TSHZ2: variants seen among roughly 807,000 people sequenced by gnomAD.
TSHZ2 encodes the protein teashirt homolog 2.
TSHZ2 carries 21 observed loss-of-function variants against 74.4 expected under a neutral mutation model. That is an observed-to-expected ratio of 0.28 (90% CI 0.20 to 0.41). TSHZ2 has a LOEUF of 0.41. Ranked by LOEUF, TSHZ2 falls within the 10% of genes least tolerant of loss-of-function variation. The pLI is 1.00. For missense variants in TSHZ2, 1,244 were observed against 1,293.5 expected (o/e 0.96, Z 0.59); for synonymous variants, 540 against 515.3 (o/e 1.05, Z -0.65).
At chr20:53,371,080 C>G (rs922395356) in intron 2 of TSHZ2, among the ~76,000 whole-genome samples, 28 of 152,136 alleles carry the variant, frequency 1.8e-4, no homozygotes, top group African/African-American at 6.8e-4. Context: ...CATGGGTCTC[C>G]GTCCTCTCTT....
chr20:53,485,375 C>T (rs1317552853), intron 2 of TSHZ2, among the ~76,000 whole-genome samples: 4 of 152,102 alleles, frequency 2.6e-5, no homozygotes, highest in African/African-American at 9.7e-5. Flanking sequence ...CAGACAGGTG[C>T]CTCATATAGT....
chr20:53,453,183 A>G (rs968759170), intron 2 of TSHZ2: 1 of 152,260 alleles, frequency 6.6e-6, no homozygotes, highest in African/African-American at 2.4e-5. Flanking sequence ...GCCTTTGGTT[A>G]GGCATAGCAA....
intron 1 of TSHZ2, among the ~76,000 whole-genome samples, chr20:53,193,037 A>G (rs1347039340): frequency 6.6e-6 from 1 of 152,172 alleles, no homozygotes; most frequent in East Asian, 1.9e-4. Context: ...GAACGCTCTT[A>G]TCCACTCTAC....
chr20:53,254,909 A>G lies in TSHZ2; in HGVS notation c.1451A>G (p.Tyr484Cys), dbSNP rs368899655. ...GAGAAAGTCGTGAAAAGCGAGGACT[A>G]TGAAGATCCTCTACAAAAACCTTTA... Reference protein sequence around the residue: ...KDEKVVKSEDYEDPLQKPLDP... With the variant: ...KDEKVVKSEDCEDPLQKPLDP... Residue 484 changes from tyrosine to cysteine, a missense_variant, in exon 2 of 3, where the codon TAT becomes TGT. By Grantham distance (194) the Tyr-to-Cys change is radical. This residue lies in a region of TSHZ2 where 562 missense variants were observed against 544.0 expected (regional missense o/e 1.03). Coordinates refer to ENST00000371497, the MANE Select transcript of TSHZ2 (RefSeq NM_173485.6). The G allele has an allele frequency of 1.5e-5, 25 of 1,613,890 alleles. No homozygotes were observed. The East Asian group carries it at 2.9e-4, about 19-fold the overall frequency.
chr20:53,342,203 G>A (rs899630064), intron 2 of TSHZ2, among the ~76,000 whole-genome samples: 8 of 151,072 alleles, frequency 5.3e-5, no homozygotes, highest in African/African-American at 7.3e-5. Flanking sequence ...GTTTCCCTGC[G>A]TCATTTTCCT....
rs193167153 is a variant in TSHZ2, at chr20:53,137,959, A to T, written c.41-115540A>T. ...AAGTGTATTTTTAAGTGAGCTACTT[A>T]AAAAAGAAATCCCCAAGTCAGTAGC... On this transcript the variant is annotated intron_variant, in intron 1 of 2. Coordinates refer to ENST00000371497, the MANE Select transcript of TSHZ2 (RefSeq NM_173485.6). Among the ~76,000 whole-genome samples the T allele has an allele frequency of 4.6e-3, 700 of 152,344 alleles. 2 individuals are homozygous for T. The highest frequency in any genetic ancestry group is 8.1e-3 in the Non-Finnish European group (548 of 68,032).
chr20:53,139,630 G>C (rs1398411122), intron 1 of TSHZ2, among the ~76,000 whole-genome samples: 3 of 152,192 alleles, frequency 2.0e-5, no homozygotes, highest in African/African-American at 7.2e-5. Context: ...AATCTTTCGT[G>C]TCAGATAGAG....
At chr20:53,345,675 G>A (rs753067083) in intron 2 of TSHZ2, among the ~76,000 whole-genome samples, 5 of 104,472 alleles carry the variant, frequency 4.8e-5, no homozygotes, top group South Asian at 2.8e-4. Flanking sequence ...CCGCCTGCCC[G>A]CCCCCCCATT....
chr20:53,138,103 C>G (rs754306961), intron 1 of TSHZ2, among the ~76,000 whole-genome samples: 3 of 152,118 alleles, frequency 2.0e-5, no homozygotes, highest in Non-Finnish European at 4.4e-5. Context: ...ATATCAGTGG[C>G]CGGGCGCAGT....
intron 1 of TSHZ2, among the ~76,000 whole-genome samples, chr20:53,040,864 C>T (rs1188031185): frequency 1.3e-5 from 2 of 152,212 alleles, no homozygotes; most frequent in Admixed American, 1.3e-4. Flanking sequence ...TTTGACACCC[C>T]ACAGCCTGGC....
Position 53,489,045 on chromosome 20 carries a change from G to A in TSHZ2, c.*1910G>A, listed in dbSNP as rs946421200. On this transcript the variant is annotated 3_prime_UTR_variant, in exon 3 of 3. Coordinates refer to ENST00000371497, the MANE Select transcript of TSHZ2 (RefSeq NM_173485.6). The stretch of plus-strand genomic sequence containing the variant: ...CAGAAAATATACCCCTCACATCATC[G>A]GATTGAGATGGCAGTCGAAATAGCT... 3 of 455,934 alleles carry A rather than the reference G, an allele frequency of 6.6e-6. No individual in the cohort carries two copies. The highest frequency in any genetic ancestry group is 2.0e-5 in the African/African-American group (1 of 49,988). The allele number at this position is 455,934 out of a possible 1,614,324, so 28.2% of individuals were successfully genotyped here.
At chr20:53,030,053 G>A (rs756678235) in intron 1 of TSHZ2, among the ~76,000 whole-genome samples, 31 of 151,842 alleles carry the variant, frequency 2.0e-4, no homozygotes, top group African/African-American at 6.5e-4. Context: ...CTTATATTTC[G>A]TCATTTAAGC....
In TSHZ2 at chr20:53,364,230, G is replaced by A. The variant is rs150114915; in HGVS notation, c.*8+107659G>A. 9.7e-3 allele frequency among the ~76,000 whole-genome samples: 1,474 copies of A among 152,286 alleles called. 12 individuals carry two copies. The highest frequency in any genetic ancestry group is 0.023 in the South Asian group (109 of 4,820). ...GCTTCTGCTCAGCTCAACAAGGACC[G>A]CCGTGTGGGAAGACAAAGCCCAGCT... On this transcript the variant is annotated intron_variant, in intron 2 of 2. Transcript: ENST00000371497.
intron 2 of TSHZ2, among the ~76,000 whole-genome samples, chr20:53,277,549 A>G (rs1341067658): frequency 6.6e-6 from 1 of 152,056 alleles, no homozygotes; most frequent in Non-Finnish European, 1.5e-5. Context: ...GATGTATGCC[A>G]TCAAAACTTT....
chr20:53,078,115 C>T (rs907482828), intron 1 of TSHZ2, among the ~76,000 whole-genome samples: 2 of 152,236 alleles, frequency 1.3e-5, no homozygotes, highest in Non-Finnish European at 2.9e-5. Context: ...GAGCTTCTAT[C>T]AATCACGAAT....
At position 53,344,188 on chromosome 20, in the gene TSHZ2, T is replaced by C. The variant is rs1980341856; in HGVS notation, c.*8+87617T>C. ...CTTCCCAGATTCCAGCAAAAAATTC[T>C]TACTACCATCACCCTCCTCCTCCTC... On this transcript the variant is annotated intron_variant, in intron 2 of 2. Transcript: ENST00000371497. 2.3e-5 allele frequency among the ~76,000 whole-genome samples: 3 copies of C among 132,234 alleles called. No individual in the cohort carries two copies. In the Admixed American group the frequency reaches 2.3e-4, roughly 10 times the overall value. The allele number at this position is 132,234 out of a possible 152,430, so 86.8% of individuals were successfully genotyped here. A position where few individuals can be genotyped will look rare whatever the true frequency, so the allele number is the denominator to read the frequency against.
Position 53,046,188 on chromosome 20 carries a change from G to A in TSHZ2, c.40+72855G>A, listed in dbSNP as rs533996725. Among the ~76,000 whole-genome samples the A allele has an allele frequency of 3.9e-5, 6 of 152,262 alleles. No individual in the cohort carries two copies. In the East Asian group the frequency reaches 1.2e-3, roughly 29 times the overall value. ...GAAGCCAAACTATGAGACAAGCATGGGAACAGCCTTAACCGCAAGCTCTAG... is the reference window on the plus strand; with the variant it reads ...GAAGCCAAACTATGAGACAAGCATGAGAACAGCCTTAACCGCAAGCTCTAG... On this transcript the variant is annotated intron_variant, in intron 1 of 2. Coordinates refer to ENST00000371497, the MANE Select transcript of TSHZ2 (RefSeq NM_173485.6).
rs1431812112 is a variant in TSHZ2 at position 53,493,247 on chromosome 20, T to C, written c.*6112T>C. The C allele has an allele frequency of 6.6e-6, 1 of 152,258 alleles. No homozygotes were observed. The highest frequency in any genetic ancestry group is 1.5e-5 in the Non-Finnish European group (1 of 68,048). The allele number at this position is 152,258 out of a possible 1,614,324, so 9.4% of individuals were successfully genotyped here. A position where few individuals can be genotyped will look rare whatever the true frequency, so the allele number is the denominator to read the frequency against. ...ATGCTTGTAATTTTTTCCTGGTCAT[T>C]CTCTTTCAATAGCTTATGAAAGAAT... On this transcript the variant is annotated 3_prime_UTR_variant, in exon 3 of 3. Coordinates refer to ENST00000371497, the MANE Select transcript of TSHZ2 (RefSeq NM_173485.6).
intron 1 of TSHZ2, among the ~76,000 whole-genome samples, chr20:53,146,007 G>A (rs1987531270): frequency 6.6e-6 from 1 of 152,198 alleles, no homozygotes; most frequent in African/African-American, 2.4e-5. Flanking sequence ...AAACCTTGAA[G>A]CTTCAGGAAA....
Sources: allele counts gnomAD v4.1 joint callset (sites outside exome capture counted in the v4.1 genomes callset), GRCh38; gene constraint gnomAD v4.1.1; regional missense constraint gnomAD v4.1.1; transcripts MANE v1.5; gene names NCBI Gene and HGNC (gene_info 2026-07-23, HGNC 2026-07-21).